Variants in DDX50 observed in about 807,000 individuals in gnomAD.
DDX50 encodes ATP-dependent RNA helicase DDX50.
Under a neutral mutation model 94.8 loss-of-function variants are expected in DDX50, and 56 were observed. The ratio of observed to expected loss-of-function variants is 0.59; its 90% CI spans 0.48 to 0.74. DDX50 has a LOEUF of 0.74. Ranked by LOEUF, DDX50 falls within the 30% of genes least tolerant of loss-of-function variation. The pLI is 0.00. For synonymous variants in DDX50, 264 were observed against 295.4 expected, an observed-to-expected ratio of 0.89 and a Z score of 1.09; for missense variants, 713 against 881.2, an observed-to-expected ratio of 0.81 and a Z score of 2.42.
chr10:68,913,902 G>A (rs967348337), intron 6 of DDX50, among the ~76,000 whole-genome samples, 157 bp from the exon 7 acceptor site: 7 of 152,074 alleles, frequency 4.6e-5, no homozygotes, highest in Middle Eastern at 3.2e-3. Flanking sequence ...AGTTTTGCAA[G>A]TTGAAAGTTT....
intron 1 of DDX50, 38 bp downstream of exon 1, chr10:68,901,509 G>T: frequency 6.5e-7 from 1 of 1,541,764 alleles, no homozygotes; most frequent in Non-Finnish European, 8.8e-7. Flanking sequence ...TTTGGGCTGC[G>T]CCGGCTTGGG....
intron 8 of DDX50, among the ~76,000 whole-genome samples, chr10:68,925,970 C>T (rs1420284289): frequency 2.0e-5 from 3 of 146,344 alleles, no homozygotes; most frequent in African/African-American, 5.1e-5. Flanking sequence ...GCCGAGATCG[C>T]GCCATTGCAC....
chr10:68,934,413 A>G lies in DDX50; in HGVS notation c.1401+53A>G, dbSNP rs1021854077. The G allele has an allele frequency of 5.6e-6, 9 of 1,604,376 alleles. No individual in the cohort carries two copies. The highest frequency in any genetic ancestry group is 1.7e-4 in the Middle Eastern group (1 of 5,842). On this transcript the variant is annotated intron_variant, in intron 9 of 14. Coordinates refer to ENST00000373585, the MANE Select transcript of DDX50 (RefSeq NM_024045.2). The surrounding 1 kb of genome is among the most constrained non-coding windows in gnomAD (Gnocchi z 4.0). ...AATAAGAGCAATTTTATAAATTCCC[A>G]TTTAATTTACAACATATTGCTTGGG...
intron 8 of DDX50, among the ~76,000 whole-genome samples, chr10:68,925,034 C>T (rs1564610340): frequency 6.6e-6 from 1 of 151,444 alleles, no homozygotes; most frequent in African/African-American, 2.4e-5. Context: ...CCTGAATCAC[C>T]TGTTCTTAGG....
intron 8 of DDX50, among the ~76,000 whole-genome samples, chr10:68,921,699 C>T (rs775872879): frequency 1.3e-5 from 2 of 152,114 alleles, no homozygotes; most frequent in East Asian, 1.9e-4. Flanking sequence ...GAAACAGTAT[C>T]GCCTATTGAT....
At chr10:68,910,259 G>A in intron 2 of DDX50, 48 bp from the exon 3 acceptor site, 2 of 1,414,070 alleles carry the variant, frequency 1.4e-6, no homozygotes, top group Non-Finnish European at 9.8e-7. Context: ...CAGTAAATGA[G>A]GAAGAGTTGA....
rs1842361284 is a variant in DDX50 at position 68,934,668 on chromosome 10, T to C, written c.1402-131T>C. 8 of 1,177,396 alleles carry C rather than the reference T, an allele frequency of 6.8e-6. No individual in the cohort carries two copies. The highest frequency in any genetic ancestry group is 5.5e-5 in the East Asian group (2 of 36,612). The allele number at this position is 1,177,396 out of a possible 1,614,324, so 72.9% of individuals were successfully genotyped here. A position where few individuals can be genotyped will look rare whatever the true frequency, so the allele number is the denominator to read the frequency against. ...GCCTTTACCCCAAAATCCACACATA[T>C]AAATTGTTTGGAATGTTGAAAAGGG... On this transcript the variant is annotated intron_variant, in intron 9 of 14. Coordinates refer to ENST00000373585, the MANE Select transcript of DDX50 (RefSeq NM_024045.2). This position sits in a 1 kb window ranked among gnomAD's most constrained non-coding sequence, Gnocchi z 4.0.
At chr10:68,903,236 A>G (rs948850891) in intron 1 of DDX50, among the ~76,000 whole-genome samples, 1 of 152,146 alleles carries the variant, frequency 6.6e-6, no homozygotes, top group Non-Finnish European at 1.5e-5. Context: ...GTCTCTACAA[A>G]AAATAAAAAA....
At chr10:68,931,735 A>G (rs1842280413) in intron 8 of DDX50, among the ~76,000 whole-genome samples, 1 of 151,824 alleles carries the variant, frequency 6.6e-6, no homozygotes, top group African/African-American at 2.4e-5. Context: ...GTATAATTTA[A>G]TATGTTCATG....
intron 7 of DDX50, among the ~76,000 whole-genome samples, chr10:68,919,278 A>G (rs1564607353): frequency 6.6e-6 from 1 of 152,236 alleles, no homozygotes. Flanking sequence ...AGGTTCATTC[A>G]TATAATTTTT....
intron 12 of DDX50, among the ~76,000 whole-genome samples, chr10:68,940,659 C>A (rs989652057): frequency 5.3e-5 from 8 of 151,894 alleles, no homozygotes; most frequent in African/African-American, 1.9e-4. Context: ...CTCAAGTGAC[C>A]CTCCCGCCTC....
intron 14 of DDX50, among the ~76,000 whole-genome samples, chr10:68,944,933 G>A (rs1434267515): frequency 1.3e-5 from 2 of 152,050 alleles, no homozygotes; most frequent in African/African-American, 4.8e-5. Context: ...TCCTCCCAAA[G>A]TATTGGGTTC....
intron 2 of DDX50, among the ~76,000 whole-genome samples, chr10:68,908,641 T>C (rs1210086218): frequency 7.2e-6 from 1 of 139,518 alleles, no homozygotes; most frequent in Non-Finnish European, 1.6e-5. Context: ...AATTTCCTTT[T>C]TTTTTTTTTT....
intron 13 of DDX50, among the ~76,000 whole-genome samples, chr10:68,941,903 G>C (rs1431215652): frequency 6.6e-6 from 1 of 152,144 alleles, no homozygotes; most frequent in African/African-American, 2.4e-5. Context: ...GCCTCCCAAA[G>C]TGCTGGGATT....
At chr10:68,939,186 T>A (rs545889432) in intron 12 of DDX50, among the ~76,000 whole-genome samples, 1 of 152,314 alleles carries the variant, frequency 6.6e-6, no homozygotes, top group African/African-American at 2.4e-5. Flanking sequence ...ATTGTAAAGG[T>A]GTATTTTACT....
At chr10:68,910,204 G>T (rs2132025330) in intron 2 of DDX50, 103 bp from the exon 3 acceptor site, 36 of 894,490 alleles carry the variant, frequency 4.0e-5, no homozygotes, top group East Asian at 8.9e-5. Flanking sequence ...AAAAAAAAGT[G>T]TTCCACTAAT....
In DDX50 at chr10:68,901,466, CA is replaced by C; in HGVS notation, c.86del (p.Lys29ArgfsTer38). Reference protein sequence around the residue: ...EESESQKKERQKSDRRKSRHH... With the variant: ...EESESQKKERXKSDRRKSRHH... ...GTCCGAGAGCCAGAAGAAGGAGAGG[CA>C]AAAGGTGCGCTGAGCATGGGCCGCG... On this transcript the variant is annotated frameshift_variant, in exon 1 of 15. Coordinates refer to ENST00000373585, the MANE Select transcript of DDX50 (RefSeq NM_024045.2). LOFTEE classifies it high-confidence loss of function. The C allele has an allele frequency of 3.8e-6, 6 of 1,569,590 alleles. No homozygotes were observed. The highest frequency in any genetic ancestry group is 1.2e-5 in the South Asian group (1 of 85,202).
chr10:68,935,398 T>G (rs1340772676), intron 10 of DDX50, among the ~76,000 whole-genome samples: 1 of 152,190 alleles, frequency 6.6e-6, no homozygotes, highest in Non-Finnish European at 1.5e-5. Flanking sequence ...GGAAAAAAGC[T>G]GATAGATTTA....
Position 68,903,174 on chromosome 10 carries a change from A to G in DDX50, c.87+1703A>G, listed in dbSNP as rs567323687. On this transcript the variant is annotated intron_variant, in intron 1 of 14. Transcript: ENST00000373585. The stretch of plus-strand genomic sequence containing the variant: ...AATCCTAGCACTTTGGGACGCTGAG[A>G]TGGGAGGATTGCTTGAGCCCAGAAG... Among the ~76,000 whole-genome samples, 7 of 151,660 alleles carry G rather than the reference A, an allele frequency of 4.6e-5. No homozygotes were observed. In the East Asian group the frequency reaches 1.4e-3, roughly 30 times the overall value.
Sources: allele counts gnomAD v4.1 joint callset (sites outside exome capture counted in the v4.1 genomes callset), GRCh38; gene constraint gnomAD v4.1.1; non-coding constraint Gnocchi (gnomAD v3.1); transcripts MANE v1.5; gene names NCBI Gene and HGNC (gene_info 2026-07-23, HGNC 2026-07-21).